TNNT1: variants seen among roughly 807,000 people sequenced by gnomAD.
TNNT1 encodes the protein troponin T, slow skeletal muscle.
In TNNT1, 53 loss-of-function variants were observed where a neutral mutation model predicts 50.6. The observed-to-expected ratio is 1.05, with a 90% confidence interval of 0.84 to 1.32. The LOEUF is 1.32. Ranked by LOEUF, TNNT1 falls within the 40% of genes most tolerant of loss-of-function variation. TNNT1 has a pLI of 0.00. For synonymous variants in TNNT1, 142 were observed against 138.0 expected (o/e 1.03, Z -0.20); for missense variants, 348 against 381.7 (o/e 0.91, Z 0.74).
At chr19:55,141,115 T>C (rs1370789609) in intron 8 of TNNT1, 71 bp downstream of exon 8, 1 of 1,502,344 alleles carries the variant, frequency 6.7e-7, no homozygotes, top group Non-Finnish European at 9.3e-7. Flanking sequence ...AACTATTATC[T>C]GCATCTCCCA....
At chr19:55,145,367 GGAGGAGGGA>G (rs1286346745) in intron 6 of TNNT1, 168 bp downstream of exon 6, 4 of 671,596 alleles carry the variant, frequency 6.0e-6, no homozygotes, top group Admixed American at 2.3e-5. Context: ...GGAGGAGGGA[GGAGGAGGGA>G]GAGGAGGGAG....
chr19:55,141,109 A>G (rs990478129), intron 8 of TNNT1, 77 bp downstream of exon 8: 45 of 1,490,952 alleles, frequency 3.0e-5, no homozygotes, highest in Non-Finnish European at 4.1e-5. Flanking sequence ...GAGGAAAACT[A>G]TTATCTGCAT....
chr19:55,148,411 C>G (rs1332290462), intron 1 of TNNT1, among the ~76,000 whole-genome samples: 2 of 152,026 alleles, frequency 1.3e-5, no homozygotes, highest in African/African-American at 4.8e-5. Flanking sequence ...CATTCTTAGA[C>G]CTCAAAGTCT....
chr19:55,133,949 G>A, intron 12 of TNNT1, 22 bp from the exon 13 acceptor site: 1 of 1,609,924 alleles, frequency 6.2e-7, no homozygotes. Flanking sequence ...GAAGACAGAT[G>A]CTGGGACAGC....
In TNNT1 at chr19:55,136,457, T is replaced by C. The variant is rs549885583; in HGVS notation, c.611+646A>G. 4.6e-5 allele frequency among the ~76,000 whole-genome samples: 7 copies of C among 152,324 alleles called. 1 individual carries two copies. The highest frequency in any genetic ancestry group is 1.4e-4 in the African/African-American group (6 of 41,578). On this transcript the variant is annotated intron_variant, in intron 11 of 13. Coordinates refer to ENST00000588981, the MANE Select transcript of TNNT1 (RefSeq NM_003283.6). Reference sequence around the variant, plus strand: ...GTCAATTTTGTGATTATATCCTTGTTCTGCCAATGAGGAATGGGAGCCCCA... The same window carrying C: ...GTCAATTTTGTGATTATATCCTTGTCCTGCCAATGAGGAATGGGAGCCCCA...
chr19:55,144,199 C>T (rs1045588751), intron 6 of TNNT1, among the ~76,000 whole-genome samples: 30 of 151,884 alleles, frequency 2.0e-4, no homozygotes, highest in Admixed American at 1.8e-3. Flanking sequence ...TCCCAAATAG[C>T]TAGGATTACA....
chr19:55,138,021 A>G lies in TNNT1; in HGVS notation c.441T>C (p.Asp147=), dbSNP rs1241576758. 6.2e-7 allele frequency: 1 copy of G among 1,614,104 alleles called. No individual in the cohort carries two copies. The highest frequency in any genetic ancestry group is 1.1e-5 in the South Asian group (1 of 91,090). Residue 147 remains aspartate (D), a synonymous_variant, in exon 10 of 14, where the codon GAT becomes GAC. Coordinates refer to ENST00000588981, the MANE Select transcript of TNNT1 (RefSeq NM_003283.6). ...TGGACAGCACCTTCTTTTTCTTGGC[A>G]TCATCCTCTGCCCGCTTCTTGGCCT... The part of the protein sequence containing the change: ...EEEAKKRAED[D]AKKKKVLSNM...
chr19:55,139,188 C>G (rs1267498056), intron 9 of TNNT1, among the ~76,000 whole-genome samples: 1 of 152,100 alleles, frequency 6.6e-6, no homozygotes, highest in Non-Finnish European at 1.5e-5. Context: ...TTAGTACAAA[C>G]AGGGTTTCAC....
At chr19:55,145,136 GAAA>G (rs71181741) in intron 6 of TNNT1, among the ~76,000 whole-genome samples, 203 of 130,382 alleles carry the variant, frequency 1.6e-3, no homozygotes, top group Non-Finnish European at 2.3e-3. Context: ...TCTACAAAAA[GAAA>G]AAAAAAAAAA....
chr19:55,135,493 C>T (rs1393559580), intron 11 of TNNT1: 5 of 329,116 alleles, frequency 1.5e-5, no homozygotes, highest in Non-Finnish European at 3.0e-5. Context: ...CAGTCTCAAC[C>T]TCTCAGGCTC....
intron 6 of TNNT1, among the ~76,000 whole-genome samples, chr19:55,143,461 C>G (rs1034465025): frequency 3.3e-5 from 5 of 152,146 alleles, no homozygotes; most frequent in African/African-American, 1.2e-4. Flanking sequence ...CAAGATGAAG[C>G]AGACAGGACT....
In TNNT1 at chr19:55,133,954, G is replaced by C. The variant is rs377152845; in HGVS notation, c.751-27C>G. ...TGCGGAGGCAGAAGACAGATGCTGGGACAGCCGGTGGGGACGTGGGGACGG... is the reference window on the plus strand; with the variant it reads ...TGCGGAGGCAGAAGACAGATGCTGGCACAGCCGGTGGGGACGTGGGGACGG... On this transcript the variant is annotated intron_variant, in intron 12 of 13. Transcript: ENST00000588981. 4 of 1,608,546 alleles carry C rather than the reference G, an allele frequency of 2.5e-6. No homozygotes were observed. In the African/African-American group the frequency reaches 5.7e-5, roughly 23 times the overall value.
chr19:55,146,828 G>A, intron 3 of TNNT1, 121 bp from the exon 4 acceptor site: 2 of 1,169,208 alleles, frequency 1.7e-6, no homozygotes, highest in Non-Finnish European at 2.4e-6. Flanking sequence ...GCTGCGATGG[G>A]CACGTTCCCC....
intron 6 of TNNT1, among the ~76,000 whole-genome samples, chr19:55,144,446 C>CAT (rs1470325173): frequency 1.3e-5 from 2 of 152,172 alleles, no homozygotes; most frequent in Non-Finnish European, 2.9e-5. Flanking sequence ...GTGGTGTAAT[C>CAT]ATAGCTCACT....
intron 5 of TNNT1, 68 bp downstream of exon 5, chr19:55,146,366 C>A: frequency 2.5e-6 from 3 of 1,207,710 alleles, no homozygotes; most frequent in Non-Finnish European, 3.3e-6. Context: ...GAGGTTGGGG[C>A]CCGAGGATAT....
chr19:55,142,079 G>A (rs765135372), intron 6 of TNNT1, 159 bp from the exon 7 acceptor site: 3 of 698,130 alleles, frequency 4.3e-6, no homozygotes, highest in Non-Finnish European at 5.1e-6. Flanking sequence ...ACACACAAAA[G>A]AAGGTAAAAT....
intron 7 of TNNT1, among the ~76,000 whole-genome samples, chr19:55,141,520 T>C (rs1195843811): frequency 2.0e-5 from 3 of 149,290 alleles, no homozygotes; most frequent in Non-Finnish European, 4.5e-5. Context: ...TTTTTTTTTT[T>C]CCTCCCAGGC....
At chr19:55,133,549 G>A (rs564161587) in intron 13 of TNNT1, 54 of 405,334 alleles carry the variant, frequency 1.3e-4, no homozygotes, top group Non-Finnish European at 2.0e-4. Flanking sequence ...TTGGTGGCGC[G>A]CACCTGTAAT....
At chr19:55,136,656 G>A (rs1281813466) in intron 11 of TNNT1, among the ~76,000 whole-genome samples, 4 of 152,154 alleles carry the variant, frequency 2.6e-5, no homozygotes, top group Non-Finnish European at 5.9e-5. Context: ...GCGGGCTCCT[G>A]AAGGCAAGCC....
Sources: allele counts gnomAD v4.1 joint callset (sites outside exome capture counted in the v4.1 genomes callset), GRCh38; gene constraint gnomAD v4.1.1; transcripts MANE v1.5; gene names NCBI Gene and HGNC (gene_info 2026-07-23, HGNC 2026-07-21).